DSCAM: variants seen among roughly 807,000 people sequenced by gnomAD.
DSCAM encodes DS cell adhesion molecule.
In DSCAM, 47 loss-of-function variants were observed where a neutral mutation model predicts 217.7. The observed-to-expected ratio is 0.22, with a 90% CI of 0.17 to 0.28. DSCAM has a LOEUF of 0.28. Among genes scored for constraint, DSCAM ranks in the 10% least tolerant of loss-of-function variants. DSCAM has a pLI of 1.00. For missense variants in DSCAM, 2,080 were observed against 2,618.3 expected (o/e 0.79, Z 4.49); for synonymous variants, 1,056 against 1,015.3 (o/e 1.04, Z -0.76).
At chr21:40,066,106 C>T (rs965017459) in intron 27 of DSCAM, among the ~76,000 whole-genome samples, 20 of 152,234 alleles carry the variant, frequency 1.3e-4, no homozygotes, top group Admixed American at 7.2e-4. Flanking sequence ...GGTGAAGCTT[C>T]GGTTCCCTCC....
chr21:40,339,091 T>G lies in DSCAM; in HGVS notation c.1507+28A>C, dbSNP rs1017971594. ...CTCCACTATAATGAGTTATGTGTGT[T>G]TTTTTGAGGAGCTGATTTGACAAGC... On this transcript the variant is annotated intron_variant, in intron 7 of 32. Coordinates refer to ENST00000400454, the MANE Select transcript of DSCAM (RefSeq NM_001389.5). 3 of 1,611,254 alleles carry G rather than the reference T, an allele frequency of 1.9e-6. No homozygotes were observed. In the African/African-American group the frequency reaches 4.0e-5, roughly 22 times the overall value.
chr21:40,018,605 T>C (rs962393533), intron 32 of DSCAM, among the ~76,000 whole-genome samples: 13 of 152,310 alleles, frequency 8.5e-5, no homozygotes, highest in Admixed American at 2.6e-4. Flanking sequence ...AGTAATAGCA[T>C]TGTGGTCCCG....
intron 28 of DSCAM, among the ~76,000 whole-genome samples, chr21:40,061,248 C>T (rs557503973): frequency 6.6e-6 from 1 of 152,190 alleles, no homozygotes; most frequent in Non-Finnish European, 1.5e-5. Context: ...ATGGCACCAA[C>T]ATTCATCAGA....
chr21:40,803,871 G>A (rs1076569), intron 1 of DSCAM, among the ~76,000 whole-genome samples: 68,142 of 151,864 alleles, frequency 0.45, 17,153 homozygotes, highest in South Asian at 0.64. Context: ...TAAATTTGCC[G>A]TCACCAGCCT....
chr21:40,124,741 GC>G (rs2090076503), intron 19 of DSCAM, among the ~76,000 whole-genome samples: 1 of 152,098 alleles, frequency 6.6e-6, no homozygotes, highest in African/African-American at 2.4e-5. Flanking sequence ...AAGAGAACCA[GC>G]CCTGCAGACA....
At chr21:40,501,271 C>T (rs184134234) in intron 3 of DSCAM, among the ~76,000 whole-genome samples, 1 of 152,088 alleles carries the variant, frequency 6.6e-6, no homozygotes, top group Non-Finnish European at 1.5e-5. Flanking sequence ...GACAACCTCA[C>T]CTCTTTGTAT....
At chr21:40,587,905 C>T (rs925048040) in intron 3 of DSCAM, among the ~76,000 whole-genome samples, 1 of 152,126 alleles carries the variant, frequency 6.6e-6, no homozygotes, top group Admixed American at 6.5e-5. Flanking sequence ...TAATCCCTGC[C>T]AACAGTCATC....
intron 21 of DSCAM, among the ~76,000 whole-genome samples, chr21:40,091,143 CT>C (rs749733867): frequency 6.6e-5 from 10 of 152,062 alleles, no homozygotes; most frequent in Non-Finnish European, 1.2e-4. Context: ...TGGCAACTCT[CT>C]GTACTATCAT....
At chr21:40,603,134 T>A (rs939260788) in intron 3 of DSCAM, among the ~76,000 whole-genome samples, 1 of 152,166 alleles carries the variant, frequency 6.6e-6, no homozygotes, top group Non-Finnish European at 1.5e-5. Context: ...TTTGCAGCTG[T>A]CTTTATGTTA....
intron 20 of DSCAM, among the ~76,000 whole-genome samples, chr21:40,114,879 A>G (rs970388310): frequency 1.9e-4 from 29 of 152,224 alleles, no homozygotes; most frequent in Non-Finnish European, 4.0e-4. Context: ...ATCTCACACC[A>G]GTTAGAATGG....
intron 20 of DSCAM, among the ~76,000 whole-genome samples, chr21:40,120,573 C>T (rs1261210600): frequency 6.6e-6 from 1 of 152,094 alleles, no homozygotes; most frequent in East Asian, 1.9e-4. Flanking sequence ...ATTCAAACCA[C>T]TATATATTAA....
chr21:40,603,680 G>T lies in DSCAM; in HGVS notation c.508+89130C>A, dbSNP rs143289463. ...TCCTTCACTTTTGAAGAAACATTAT[G>T]TAGACAGAGAATTCTATCTTGGTGG... On this transcript the variant is annotated intron_variant, in intron 3 of 32. Coordinates refer to ENST00000400454, the MANE Select transcript of DSCAM (RefSeq NM_001389.5). 1.1e-3 allele frequency among the ~76,000 whole-genome samples: 165 copies of T among 152,112 alleles called. 1 individual carries two copies. Among genetic ancestry groups the T allele is most frequent in the Admixed American group, 1.6e-3 (25 of 15,282 alleles).
At chr21:40,702,768 T>C (rs191214559) in intron 2 of DSCAM, among the ~76,000 whole-genome samples, 70 of 152,300 alleles carry the variant, frequency 4.6e-4, no homozygotes, top group African/African-American at 1.6e-3. Context: ...GTGGGCTTAT[T>C]AGCTATAACT....
At chr21:40,565,084 A>G (rs910150007) in intron 3 of DSCAM, among the ~76,000 whole-genome samples, 12 of 152,134 alleles carry the variant, frequency 7.9e-5, no homozygotes, top group South Asian at 6.2e-4. Context: ...ATAAGACAGG[A>G]GCCAAGAAGT....
chr21:40,036,900 A>G (rs1283386694), intron 32 of DSCAM, among the ~76,000 whole-genome samples: 1 of 150,546 alleles, frequency 6.6e-6, no homozygotes, highest in Admixed American at 6.6e-5. Context: ...ATATAAACAG[A>G]GCCAAAGACA....
intron 1 of DSCAM, among the ~76,000 whole-genome samples, chr21:40,816,006 T>A (rs941336585): frequency 2.0e-5 from 3 of 152,152 alleles, no homozygotes; most frequent in Non-Finnish European, 4.4e-5. Flanking sequence ...ATCCCTGAGA[T>A]CCCAAAGTCA....
intron 6 of DSCAM, among the ~76,000 whole-genome samples, chr21:40,340,964 G>T (rs1235115481): frequency 6.6e-6 from 1 of 152,068 alleles, no homozygotes; most frequent in Admixed American, 6.5e-5. Context: ...GGGCTGTGCT[G>T]CAGCTCTTCC....
chr21:40,092,781 G>A (rs1180949841), intron 21 of DSCAM, among the ~76,000 whole-genome samples: 1 of 152,106 alleles, frequency 6.6e-6, no homozygotes, highest in Non-Finnish European at 1.5e-5. Context: ...TGACCAAAGA[G>A]TGTAATACAT....
chr21:40,664,801 G>T (rs545250431), intron 3 of DSCAM, among the ~76,000 whole-genome samples: 2 of 152,322 alleles, frequency 1.3e-5, no homozygotes, highest in South Asian at 2.1e-4. Context: ...GATAGGGCTT[G>T]GATGTTTGTC....
Sources: gnomAD v4.1 joint callset for allele counts (sites outside exome capture counted in the v4.1 genomes callset) on GRCh38, gnomAD v4.1.1 for gene constraint, MANE v1.5 for transcripts, NCBI Gene and HGNC (gene_info 2026-07-23, HGNC 2026-07-21) for gene names.